Variants in ANO3 observed in about 807,000 individuals in gnomAD.
The protein encoded by ANO3 is anoctamin 3, also known as anoctamin-3.
A neutral mutation model predicts 144.8 loss-of-function variants in ANO3; 99 were observed. The ratio of observed to expected loss-of-function variants is 0.68; its 90% CI spans 0.58 to 0.81. The LOEUF (loss-of-function observed/expected upper bound fraction) is 0.81, where lower values mean the gene tolerates loss of function less well. ANO3 is among the 30% of genes least tolerant of loss of function. ANO3 has a pLI of 0.00. For synonymous variants in ANO3, 414 were observed against 392.6 expected (o/e 1.05, Z -0.64); for missense variants, 905 against 1,202.2 (o/e 0.75, Z 3.66).
At chr11:26,488,031 T>A (rs951529352) in intron 4 of ANO3, among the ~76,000 whole-genome samples, 9 of 152,146 alleles carry the variant, frequency 5.9e-5, no homozygotes, top group South Asian at 2.1e-4. Flanking sequence ...CTGGGCGTGG[T>A]GGCACACACC....
intron 17 of ANO3, among the ~76,000 whole-genome samples, chr11:26,606,352 T>C (rs1196411549): frequency 6.6e-6 from 1 of 152,148 alleles, no homozygotes; most frequent in Non-Finnish European, 1.5e-5. Context: ...TCCAATTATG[T>C]GGTCAATTTT....
intron 7 of ANO3, among the ~76,000 whole-genome samples, chr11:26,528,857 T>C (rs1036290968): frequency 1.3e-5 from 2 of 151,496 alleles, no homozygotes; most frequent in African/African-American, 4.8e-5. Flanking sequence ...AATGAGGTGA[T>C]ATTTTATTAT....
intron 14 of ANO3, among the ~76,000 whole-genome samples, chr11:26,596,090 C>A (rs1185729579): frequency 6.6e-6 from 1 of 152,132 alleles, no homozygotes; most frequent in Admixed American, 6.5e-5. Flanking sequence ...ACGGAGAAGA[C>A]CTTCAATTAT....
chr11:26,450,179 T>G (rs1360695732), intron 3 of ANO3, among the ~76,000 whole-genome samples: 1 of 152,226 alleles, frequency 6.6e-6, no homozygotes, highest in South Asian at 2.1e-4. Flanking sequence ...TAACTGTGAC[T>G]TATGTTTGCC....
At chr11:26,307,310 C>A (rs1436620566), upstream of ANO3, among the ~76,000 whole-genome samples, 1 of 152,018 alleles carries the variant, frequency 6.6e-6, no homozygotes, top group Non-Finnish European at 1.5e-5. Flanking sequence ...GCTAAGATTG[C>A]GTCATTGCAC....
intron 18 of ANO3, among the ~76,000 whole-genome samples, chr11:26,626,589 T>C (rs1290143840): frequency 6.6e-6 from 1 of 152,174 alleles, no homozygotes; most frequent in Non-Finnish European, 1.5e-5. Context: ...AGGCTGACTG[T>C]ACTCCTTGCA....
chr11:26,242,179 C>T (rs988913477), intron 1 of ANO3, among the ~76,000 whole-genome samples: 1 of 152,170 alleles, frequency 6.6e-6, no homozygotes, highest in Non-Finnish European at 1.5e-5. Context: ...ATTAAACTAG[C>T]ATTTAAAGCC....
intron 1 of ANO3, among the ~76,000 whole-genome samples, chr11:26,402,317 T>G (rs1195646938): frequency 1.3e-5 from 2 of 152,066 alleles, no homozygotes; most frequent in African/African-American, 4.8e-5. Context: ...TTTTGACTTT[T>G]TAATAATAAC....
intron 5 of ANO3, among the ~76,000 whole-genome samples, chr11:26,511,663 G>A (rs1038717297): frequency 6.6e-6 from 1 of 152,196 alleles, no homozygotes; most frequent in Non-Finnish European, 1.5e-5. Context: ...TCTGGAGGGT[G>A]AGGGGAGAGT....
intron 1 of ANO3, among the ~76,000 whole-genome samples, chr11:26,435,820 T>C (rs1340533878): frequency 1.2e-4 from 18 of 152,242 alleles, no homozygotes; most frequent in Admixed American, 1.2e-3. Flanking sequence ...GTTTCCTGGA[T>C]TGGGTTTTGC....
chr11:26,408,055 T>C (rs1479324593), intron 1 of ANO3, among the ~76,000 whole-genome samples: 2 of 152,060 alleles, frequency 1.3e-5, no homozygotes, highest in African/African-American at 2.4e-5. Context: ...ATTCAGGACA[T>C]AGACATGGGC....
intron 1 of ANO3, among the ~76,000 whole-genome samples, chr11:26,243,752 TTAA>T (rs764981204): frequency 1.1e-4 from 17 of 152,182 alleles, no homozygotes; most frequent in Non-Finnish European, 2.5e-4. Context: ...TTTGGGTTTT[TTAA>T]TAATTCAAAT....
intron 18 of ANO3, among the ~76,000 whole-genome samples, chr11:26,630,294 T>C (rs1673536786): frequency 1.3e-5 from 2 of 152,262 alleles, no homozygotes; most frequent in Admixed American, 1.3e-4. Flanking sequence ...TGACAATGTT[T>C]TAAAGTATTA....
chr11:26,241,142 G>A (rs777043038), intron 1 of ANO3, among the ~76,000 whole-genome samples: 2 of 151,876 alleles, frequency 1.3e-5, no homozygotes, highest in Non-Finnish European at 2.9e-5. Flanking sequence ...CTCTCTCTTT[G>A]CCTGTCACAT....
intron 1 of ANO3, among the ~76,000 whole-genome samples, chr11:26,262,572 A>T (rs1853214323): frequency 6.6e-6 from 1 of 152,028 alleles, no homozygotes; most frequent in Non-Finnish European, 1.5e-5. Flanking sequence ...TTTCTACTTA[A>T]TGTTTGTGCC....
intron 1 of ANO3, among the ~76,000 whole-genome samples, chr11:26,221,548 T>C (rs1564922554): frequency 6.6e-6 from 1 of 152,346 alleles, no homozygotes; most frequent in East Asian, 1.9e-4. Context: ...TATCTACTTG[T>C]GTTAGTCTGT....
chr11:26,215,169 G>C (rs1001209402), intron 1 of ANO3, among the ~76,000 whole-genome samples: 1 of 151,900 alleles, frequency 6.6e-6, no homozygotes, highest in Non-Finnish European at 1.5e-5. Flanking sequence ...CTCTTTAGAA[G>C]GAGCTCACTG....
At chr11:26,544,181 C>T (rs1218794864) in intron 11 of ANO3, among the ~76,000 whole-genome samples, 1 of 145,766 alleles carries the variant, frequency 6.9e-6, no homozygotes, top group Admixed American at 6.9e-5. Context: ...TAATGTCCTC[C>T]AGTCTTATCC....
intron 4 of ANO3, among the ~76,000 whole-genome samples, chr11:26,470,577 G>A (rs1565044544): frequency 6.6e-6 from 1 of 151,894 alleles, no homozygotes; most frequent in Non-Finnish European, 1.5e-5. Flanking sequence ...AGACAAGGCA[G>A]TACTATGTTG....
Sources: gnomAD v4.1 joint callset for allele counts (sites outside exome capture counted in the v4.1 genomes callset) on GRCh38, gnomAD v4.1.1 for gene constraint, MANE v1.5 for transcripts, NCBI Gene and HGNC (gene_info 2026-07-23, HGNC 2026-07-21) for gene names.